The following IL1RAPL2 variants were observed in gnomAD, a reference collection of about 807,000 sequenced individuals.
IL1RAPL2 encodes X-linked interleukin-1 receptor accessory protein-like 2.
IL1RAPL2 carries 3 observed loss-of-function variants against 44.1 expected under a neutral mutation model. The observed-to-expected ratio is 0.07, with a 90% CI of 0.03 to 0.18. The LOEUF is 0.18. Ranked by LOEUF, IL1RAPL2 falls within the 10% of genes least tolerant of loss-of-function variation. IL1RAPL2 has a pLI of 1.00. For synonymous variants in IL1RAPL2, 181 were observed against 178.8 expected, an observed-to-expected ratio of 1.01 and a Z score of -0.10; for missense variants, 391 against 496.4, an observed-to-expected ratio of 0.79 and a Z score of 2.02.
At chrX:105,168,582 A>C (rs902188776) in intron 2 of IL1RAPL2, among the ~76,000 whole-genome samples, 12 of 106,093 alleles carry the variant, frequency 1.1e-4, no homozygotes, top group African/African-American at 4.6e-4. Flanking sequence ...GCAGTCAGCC[A>C]GCTGGATACC....
chrX:104,635,995 T>C (rs1396472926), intron 1 of IL1RAPL2, among the ~76,000 whole-genome samples: 1 of 111,801 alleles, frequency 8.9e-6, no homozygotes, highest in Non-Finnish European at 1.9e-5. Flanking sequence ...TGGTCTTTGA[T>C]GATGGTGATG....
intron 6 of IL1RAPL2, among the ~76,000 whole-genome samples, chrX:105,636,401 A>G (rs1202952826): frequency 9.0e-6 from 1 of 111,663 alleles, no homozygotes; most frequent in East Asian, 2.8e-4. Flanking sequence ...TTAATTAGGA[A>G]TTATAAGTAA....
intron 2 of IL1RAPL2, among the ~76,000 whole-genome samples, chrX:104,810,180 C>T (rs1392427145): frequency 8.2e-5 from 9 of 109,358 alleles, no homozygotes; most frequent in Non-Finnish European, 1.3e-4. Context: ...AACCAAACAC[C>T]GCATATTCTC....
intron 9 of IL1RAPL2, among the ~76,000 whole-genome samples, chrX:105,750,812 TCCTCTATACAA>T (rs1194775662): frequency 9.1e-6 from 1 of 110,232 alleles, no homozygotes; most frequent in Non-Finnish European, 1.9e-5. Flanking sequence ...CCTCAGTTCT[TCCTCTATACAA>T]CAGTTAATAT....
chrX:105,105,238 G>A (rs143273110), intron 2 of IL1RAPL2, among the ~76,000 whole-genome samples: 282 of 111,989 alleles, frequency 2.5e-3, no homozygotes, highest in African/African-American at 7.8e-3. Flanking sequence ...TGATTTATTG[G>A]ATGCTCACTA....
intron 2 of IL1RAPL2, among the ~76,000 whole-genome samples, chrX:104,676,562 C>A (rs981119837): frequency 2.9e-4 from 32 of 111,722 alleles, no homozygotes; most frequent in Non-Finnish European, 5.6e-4. Flanking sequence ...TTTGGTGAAT[C>A]TGACAATTAT....
chrX:104,677,475 C>G (rs781573315), intron 2 of IL1RAPL2, among the ~76,000 whole-genome samples: 1 of 111,111 alleles, frequency 9.0e-6, no homozygotes. Flanking sequence ...CAGCTGCGTG[C>G]TGGGAGAACC....
chrX:105,740,834 C>A, intron 8 of IL1RAPL2, 143 bp downstream of exon 8: 2 of 501,734 alleles, frequency 4.0e-6, no homozygotes, highest in South Asian at 4.7e-5. Context: ...ATTTCTCTTG[C>A]TCTGCATATT....
intron 4 of IL1RAPL2, among the ~76,000 whole-genome samples, chrX:105,255,708 CAG>C (rs1213587579): frequency 6.3e-5 from 7 of 111,866 alleles, no homozygotes; most frequent in Middle Eastern, 4.7e-3. Flanking sequence ...GGAGTGGTGA[CAG>C]AGAGCATCCT....
chrX:105,116,177 G>T (rs755260845), intron 2 of IL1RAPL2, among the ~76,000 whole-genome samples: 4 of 112,845 alleles, frequency 3.5e-5, no homozygotes, highest in Non-Finnish European at 7.5e-5. Context: ...GCGGGCTGAA[G>T]GGCTCCTCAA....
At chrX:104,634,444 T>A (rs1012465859) in intron 1 of IL1RAPL2, among the ~76,000 whole-genome samples, 22 of 111,385 alleles carry the variant, frequency 2.0e-4, no homozygotes, top group Non-Finnish European at 3.4e-4. Flanking sequence ...GACAGTGGGG[T>A]ATTAAAGTCT....
intron 2 of IL1RAPL2, among the ~76,000 whole-genome samples, chrX:104,845,839 T>C (rs1273221246): frequency 1.8e-5 from 2 of 111,966 alleles, no homozygotes; most frequent in Non-Finnish European, 3.8e-5. Flanking sequence ...AGTTAGGTTT[T>C]CATTGTCCCT....
intron 2 of IL1RAPL2, among the ~76,000 whole-genome samples, chrX:105,002,991 A>G (rs1246572608): frequency 9.0e-6 from 1 of 111,516 alleles, no homozygotes; most frequent in Non-Finnish European, 1.9e-5. Context: ...GTTTAAGATA[A>G]TGGTATTACT....
intron 1 of IL1RAPL2, among the ~76,000 whole-genome samples, chrX:104,593,792 G>A (rs1235201778): frequency 9.0e-6 from 1 of 111,628 alleles, no homozygotes; most frequent in Non-Finnish European, 1.9e-5. Context: ...TTCCACCTGC[G>A]TGGATGACCC....
At chrX:104,625,524 C>T (rs1471369142) in intron 1 of IL1RAPL2, among the ~76,000 whole-genome samples, 1 of 110,805 alleles carries the variant, frequency 9.0e-6, no homozygotes, top group Non-Finnish European at 1.9e-5. Flanking sequence ...CTTATATCTC[C>T]ATTTGTTGTC....
chrX:104,675,711 C>T (rs1217153809), intron 2 of IL1RAPL2, among the ~76,000 whole-genome samples: 1 of 110,270 alleles, frequency 9.1e-6, no homozygotes, highest in African/African-American at 3.3e-5. Context: ...TTAAAGTCTC[C>T]CATTATTATT....
At chrX:104,942,884 A>C (rs929609200) in intron 2 of IL1RAPL2, among the ~76,000 whole-genome samples, 3 of 111,588 alleles carry the variant, frequency 2.7e-5, no homozygotes, top group Admixed American at 9.5e-5. Flanking sequence ...TACCTAGTTT[A>C]TTGAGAGTTT....
intron 2 of IL1RAPL2, among the ~76,000 whole-genome samples, chrX:104,894,390 G>T (rs979088422): frequency 2.7e-5 from 3 of 111,834 alleles, no homozygotes; most frequent in African/African-American, 6.5e-5. Context: ...TTTCAACTTG[G>T]TTCCATTCTC....
intron 3 of IL1RAPL2, among the ~76,000 whole-genome samples, chrX:105,197,243 CA>C (rs782441420): frequency 9.0e-6 from 1 of 110,691 alleles, no homozygotes; most frequent in Non-Finnish European, 1.9e-5. Context: ...AATTGAGAAG[CA>C]GATGTAATTC....
Sources: allele counts gnomAD v4.1 joint callset (sites outside exome capture counted in the v4.1 genomes callset), GRCh38; gene constraint gnomAD v4.1.1; transcripts MANE v1.5; gene names NCBI Gene and HGNC (gene_info 2026-07-23, HGNC 2026-07-21).